ALOX5: variants seen among roughly 807,000 people sequenced by gnomAD.
ALOX5 encodes the protein polyunsaturated fatty acid 5-lipoxygenase.
Under a neutral mutation model 87.9 loss-of-function variants are expected in ALOX5, and 64 were observed. The ratio of observed to expected loss-of-function variants is 0.73; its 90% CI spans 0.60 to 0.90. The LOEUF (loss-of-function observed/expected upper bound fraction) is 0.90. Ranked by LOEUF, ALOX5 falls within the 40% of genes least tolerant of loss-of-function variation. The pLI, the probability that ALOX5 is intolerant of heterozygous loss-of-function variation, is 0.00. For synonymous variants in ALOX5, 388 were observed against 355.1 expected, an observed-to-expected ratio of 1.09 and a Z score of -1.04; for missense variants, 822 against 907.5, an observed-to-expected ratio of 0.91 and a Z score of 1.21.
At chr10:45,438,988 C>T (rs956653653) in intron 7 of ALOX5, among the ~76,000 whole-genome samples, 11 of 152,094 alleles carry the variant, frequency 7.2e-5, no homozygotes, top group African/African-American at 2.2e-4. Context: ...GGATTTGGCT[C>T]GTCCAAACCA....
At chr10:45,386,855 C>G (rs371010005) in intron 2 of ALOX5, among the ~76,000 whole-genome samples, 2 of 152,220 alleles carry the variant, frequency 1.3e-5, no homozygotes, top group South Asian at 2.1e-4. Flanking sequence ...CTCATCTGCT[C>G]TAAAGGCTCT....
chr10:45,411,053 G>A (rs1841045151), intron 3 of ALOX5, among the ~76,000 whole-genome samples: 2 of 152,212 alleles, frequency 1.3e-5, no homozygotes, highest in South Asian at 2.1e-4. Flanking sequence ...GGCAATTCCA[G>A]GAACTGAAGG....
chr10:45,380,865 C>A (rs1440159809), intron 1 of ALOX5, among the ~76,000 whole-genome samples: 1 of 152,162 alleles, frequency 6.6e-6, no homozygotes, highest in South Asian at 2.1e-4. Context: ...TCACTTGAAC[C>A]CTGGAAGTGG....
At chr10:45,401,765 T>C (rs565543866) in intron 3 of ALOX5, among the ~76,000 whole-genome samples, 1 of 152,314 alleles carries the variant, frequency 6.6e-6, no homozygotes, top group South Asian at 2.1e-4. Flanking sequence ...CTAGGACAGA[T>C]GCCCAGATAT....
intron 4 of ALOX5, among the ~76,000 whole-genome samples, chr10:45,422,737 C>T (rs962980331): frequency 1.6e-4 from 24 of 152,318 alleles, no homozygotes; most frequent in African/African-American, 5.3e-4. Context: ...ACCCCATGTG[C>T]GCAGTAAGAG....
intron 4 of ALOX5, 101 bp downstream of exon 4, chr10:45,412,414 GA>G: frequency 1.3e-6 from 2 of 1,486,756 alleles, no homozygotes; most frequent in African/African-American, 1.4e-5. Flanking sequence ...TGGGTTGGGG[GA>G]ACAGCCTAGC....
In ALOX5 at chr10:45,443,227, G is replaced by A. The variant is rs1842298796; in HGVS notation, c.1451+11G>A. ...GGAAGCCATCAGGACGTGAGCGCCC[G>A]CGGGGCGGTGGTCCTGGGGGAGGAG... On this transcript the variant is annotated intron_variant, in intron 10 of 13. Coordinates refer to ENST00000374391, the MANE Select transcript of ALOX5 (RefSeq NM_000698.5). 1 of 1,610,052 alleles carries A rather than the reference G, an allele frequency of 6.2e-7. No individual in the cohort carries two copies. Among genetic ancestry groups the A allele is most frequent in the Non-Finnish European group, 8.5e-7 (1 of 1,178,048 alleles).
intron 7 of ALOX5, 99 bp downstream of exon 7, chr10:45,428,863 C>T: frequency 6.7e-7 from 1 of 1,482,816 alleles, no homozygotes; most frequent in South Asian, 1.2e-5. Context: ...GAAGCTATGT[C>T]TTGAAAGACA....
At chr10:45,378,142 G>A (rs557947137) in intron 1 of ALOX5, among the ~76,000 whole-genome samples, 1 of 152,172 alleles carries the variant, frequency 6.6e-6, no homozygotes, top group South Asian at 2.1e-4. Context: ...TCTGCCCTCT[G>A]AAATCTGATC....
Position 45,401,858 on chromosome 10 carries a change from G to A in ALOX5, c.431+5922G>A, listed in dbSNP as rs113529322. Among the ~76,000 whole-genome samples, 877 of 152,230 alleles carry A rather than the reference G, an allele frequency of 5.8e-3. 8 individuals are homozygous for A. The highest frequency in any genetic ancestry group is 0.02 in the African/African-American group (817 of 41,528). On this transcript the variant is annotated intron_variant, in intron 3 of 13. Coordinates refer to ENST00000374391, the MANE Select transcript of ALOX5 (RefSeq NM_000698.5). Reference sequence around the variant, plus strand: ...CTTTAACCATTTGGGAGGCTGAGGTGGGTGGATCACCAGGTCAGGAGATCG... The same window carrying A: ...CTTTAACCATTTGGGAGGCTGAGGTAGGTGGATCACCAGGTCAGGAGATCG...
At chr10:45,386,254 T>C (rs1340913248) in intron 2 of ALOX5, among the ~76,000 whole-genome samples, 1 of 150,594 alleles carries the variant, frequency 6.6e-6, no homozygotes, top group Non-Finnish European at 1.5e-5. Context: ...TGAGCTGAGA[T>C]CATGCCACTG....
intron 1 of ALOX5, 117 bp downstream of exon 1, chr10:45,374,546 T>C: frequency 9.6e-7 from 1 of 1,039,886 alleles, no homozygotes; most frequent in East Asian, 3.2e-5. Context: ...CGGACAGGAC[T>C]GGGGGTGTCC....
At position 45,425,003 on chromosome 10, in the gene ALOX5, C is replaced by CCAGTTCCTGAATGGCTG; in HGVS notation, c.708_724dup (p.Asn242SerfsTer3). Reference sequence around the variant, plus strand: ...GGCAGGAAGACCTGATGTTTGGCTACCAGTTCCTGAATGGCTGCAACCCTG... The same window carrying CCAGTTCCTGAATGGCTG: ...GGCAGGAAGACCTGATGTTTGGCTACCAGTTCCTGAATGGCTGCAGTTCCTGAATGGCTGCAACCCTG... On this transcript the variant is annotated frameshift_variant, in exon 6 of 14. Transcript: ENST00000374391. LOFTEE classifies it high-confidence loss of function. The surrounding 1 kb of genome is among the most constrained non-coding windows in gnomAD (Gnocchi z 4.4). 1 of 1,614,206 alleles carries CCAGTTCCTGAATGGCTG rather than the reference C, an allele frequency of 6.2e-7. No homozygotes were observed. Among genetic ancestry groups the CCAGTTCCTGAATGGCTG allele is most frequent in the East Asian group, 2.2e-5 (1 of 44,884 alleles).
In ALOX5 at chr10:45,393,500, CTG is replaced by C. The variant is rs760218576; in HGVS notation, c.350-2354_350-2353del. Among the ~76,000 whole-genome samples the C allele has an allele frequency of 2.6e-3, 394 of 152,202 alleles. 3 individuals are homozygous for C. Among genetic ancestry groups the C allele is most frequent in the Non-Finnish European group, 3.4e-3 (229 of 67,990 alleles). On this transcript the variant is annotated intron_variant, in intron 2 of 13. Transcript: ENST00000374391. Reference sequence around the variant, plus strand: ...TGACAAACCCACAACCAATATCATACTGAATGGGCAAAAACTGGAAGCATTCC... The same window carrying C: ...TGACAAACCCACAACCAATATCATACAATGGGCAAAAACTGGAAGCATTCC...
chr10:45,441,642 C>A, intron 9 of ALOX5: 1 of 521,948 alleles, frequency 1.9e-6, no homozygotes, highest in Non-Finnish European at 3.4e-6. Flanking sequence ...TCTTCCTTCT[C>A]ACTGATGGCT....
intron 2 of ALOX5, among the ~76,000 whole-genome samples, chr10:45,392,795 C>A (rs1840338490): frequency 6.6e-6 from 1 of 151,476 alleles, no homozygotes. Flanking sequence ...CACAGAAATA[C>A]AAACTACCAT....
chr10:45,433,961 T>C (rs1457519439), intron 7 of ALOX5, among the ~76,000 whole-genome samples: 1 of 152,178 alleles, frequency 6.6e-6, no homozygotes, highest in Non-Finnish European at 1.5e-5. Flanking sequence ...TTCTCTTTAG[T>C]TTCCAGAGGG....
chr10:45,417,206 G>A (rs908338787), intron 4 of ALOX5, among the ~76,000 whole-genome samples: 6 of 152,056 alleles, frequency 3.9e-5, no homozygotes, highest in Non-Finnish European at 8.8e-5. Flanking sequence ...GGTATAGAAG[G>A]TAACTGTGCA....
chr10:45,384,206 CT>C (rs1164844963), intron 2 of ALOX5, among the ~76,000 whole-genome samples: 2 of 152,040 alleles, frequency 1.3e-5, no homozygotes, highest in African/African-American at 4.8e-5. Context: ...TAGAAAGGTT[CT>C]GGGGAGTGAT....
Sources: gnomAD v4.1 joint callset for allele counts (sites outside exome capture counted in the v4.1 genomes callset) on GRCh38, gnomAD v4.1.1 for gene constraint, Gnocchi (gnomAD v3.1) non-coding constraint, MANE v1.5 for transcripts, NCBI Gene and HGNC (gene_info 2026-07-23, HGNC 2026-07-21) for gene names.